The following PADI2 variants were observed in gnomAD, a reference collection of about 807,000 sequenced individuals.
PADI2 encodes the protein peptidyl arginine deiminase 2.
In PADI2, 70 loss-of-function variants were observed where a neutral mutation model predicts 81.1. The observed-to-expected ratio is 0.86, with a 90% CI of 0.71 to 1.05. The LOEUF (loss-of-function observed/expected upper bound fraction) is 1.05. Ranked by LOEUF, PADI2 falls within the 50% of genes least tolerant of loss-of-function variation. PADI2 has a pLI of 0.00. For missense variants in PADI2, 853 were observed against 889.9 expected (o/e 0.96, Z 0.53); for synonymous variants, 338 against 358.0 (o/e 0.94, Z 0.63).
rs1036567716 is a variant in PADI2 at position 17,068,692 on chromosome 1, C to T, written c.*352G>A. ...GGAAGAACTGGCAATCCCAGAATCT[C>T]CTTCCCTTCTCCCCTCATTCAGTGT... On this transcript the variant is annotated 3_prime_UTR_variant, in exon 16 of 16. Transcript: ENST00000375486. 5.5e-4 allele frequency: 137 copies of T among 249,478 alleles called. 1 individual carries two copies. Among genetic ancestry groups the T allele is most frequent in the African/African-American group, 3.0e-3 (132 of 44,536 alleles). The allele number at this position is 249,478 out of a possible 1,614,324, so 15.5% of individuals were successfully genotyped here.
intron 2 of PADI2, 100 bp downstream of exon 2, chr1:17,104,778 C>T (rs1187245315): frequency 9.6e-7 from 1 of 1,042,006 alleles, no homozygotes. Flanking sequence ...GAAAATGACA[C>T]ATGGCCCACG....
At chr1:17,076,783 C>T (rs2647201) in intron 11 of PADI2, among the ~76,000 whole-genome samples, 148,182 of 152,072 alleles carry the variant, frequency 0.97, 72,202 homozygotes, top group East Asian at 1. Flanking sequence ...TTTACCATGT[C>T]GGCCAGGATG....
intron 11 of PADI2, among the ~76,000 whole-genome samples, chr1:17,078,390 C>T (rs1002920639): frequency 1.3e-5 from 2 of 152,042 alleles, no homozygotes; most frequent in Non-Finnish European, 1.5e-5. Context: ...GGATTACAGG[C>T]GTGAGCCACC....
chr1:17,090,596 T>A (rs1305689120), intron 6 of PADI2, among the ~76,000 whole-genome samples: 4 of 151,368 alleles, frequency 2.6e-5, no homozygotes, highest in African/African-American at 9.7e-5. Flanking sequence ...TGTGTGTGTG[T>A]GTGTGTGTGT....
At chr1:17,099,014 C>G (rs1221335415) in intron 3 of PADI2, among the ~76,000 whole-genome samples, 1 of 152,190 alleles carries the variant, frequency 6.6e-6, no homozygotes, top group Non-Finnish European at 1.5e-5. Context: ...CACCTCAGTT[C>G]CCCAGAATAG....
rs1930793386 is a variant in PADI2 at position 17,093,673 on chromosome 1, G to A, written c.423C>T (p.Thr141=). 1 of 1,607,004 alleles carries A rather than the reference G, an allele frequency of 6.2e-7. No homozygotes were observed. Reference sequence around the variant, plus strand: ...TGGCCCCCTGGCCCTCGGGGCCCCAGGTCCAGGATGCCTACAGTGGCAGGA... The same window carrying A: ...TGGCCCCCTGGCCCTCGGGGCCCCAAGTCCAGGATGCCTACAGTGGCAGGA... ...EKNNPKKASW[T]WGPEGQGAIL... is the part of the protein sequence containing the mutation. The change falls in exon 5 of 16, where the codon ACC becomes ACT. Residue 141 remains threonine, a synonymous_variant. Coordinates refer to ENST00000375486, the MANE Select transcript of PADI2 (RefSeq NM_007365.3).
chr1:17,100,046 G>GC (rs559300697), intron 3 of PADI2, among the ~76,000 whole-genome samples: 1,910 of 26,766 alleles, frequency 0.071, 31 homozygotes, highest in Non-Finnish European at 0.11. Flanking sequence ...TATTGGGGTT[G>GC]GGGGGGGGCT....
intron 3 of PADI2, among the ~76,000 whole-genome samples, chr1:17,096,342 G>C (rs1210353641): frequency 6.6e-6 from 1 of 152,236 alleles, no homozygotes; most frequent in Non-Finnish European, 1.5e-5. Flanking sequence ...AGCAGAACTG[G>C]GGTACACAGT....
At chr1:17,075,483 T>C (rs1306992237) in intron 12 of PADI2, 196 bp downstream of exon 12, 11 of 512,512 alleles carry the variant, frequency 2.1e-5, no homozygotes, top group Non-Finnish European at 3.8e-5. Flanking sequence ...TGATTATGTG[T>C]TGCAATGCTA....
At chr1:17,091,207 C>T (rs1302929722) in intron 6 of PADI2, among the ~76,000 whole-genome samples, 1 of 148,078 alleles carries the variant, frequency 6.8e-6, no homozygotes, top group Admixed American at 6.8e-5. Context: ...AGGGTCCCTA[C>T]TCACCTCATG....
chr1:17,110,433 G>T (rs1931534925), intron 1 of PADI2, among the ~76,000 whole-genome samples: 1 of 152,100 alleles, frequency 6.6e-6, no homozygotes, highest in Non-Finnish European at 1.5e-5. Flanking sequence ...GAATGCACCT[G>T]CCCTTCTTGG....
intron 10 of PADI2, among the ~76,000 whole-genome samples, chr1:17,082,319 C>G (rs1268383076): frequency 6.6e-6 from 1 of 152,152 alleles, no homozygotes; most frequent in Non-Finnish European, 1.5e-5. Context: ...TCCCTTAGTT[C>G]CCATTTCCCA....
intron 4 of PADI2, among the ~76,000 whole-genome samples, chr1:17,094,813 A>G (rs1000920030): frequency 6.6e-6 from 1 of 152,192 alleles, no homozygotes; most frequent in African/African-American, 2.4e-5. Context: ...GGGAGGTTGG[A>G]AGCTGTCGCC....
chr1:17,102,696 A>G (rs1931184217), intron 3 of PADI2, among the ~76,000 whole-genome samples: 1 of 145,256 alleles, frequency 6.9e-6, no homozygotes, highest in Non-Finnish European at 1.5e-5. Flanking sequence ...GGGGAAACAC[A>G]CTTCACCTTT....
chr1:17,068,894 AG>A lies in PADI2; in HGVS notation c.*149del. 1.5e-6 allele frequency: 1 copy of A among 647,572 alleles called. No individual in the cohort carries two copies. The highest frequency in any genetic ancestry group is 2.8e-6 in the Non-Finnish European group (1 of 361,098). The allele number at this position is 647,572 out of a possible 1,614,324, so 40.1% of individuals were successfully genotyped here. On this transcript the variant is annotated 3_prime_UTR_variant, in exon 16 of 16. Coordinates refer to ENST00000375486, the MANE Select transcript of PADI2 (RefSeq NM_007365.3). ...GAGGACACTGAGGCCCCTCTCAGGG[AG>A]GGCAAGGCACAGATACCCCAAATTC...
intron 4 of PADI2, among the ~76,000 whole-genome samples, chr1:17,095,075 A>G (rs1455117633): frequency 6.6e-6 from 1 of 152,186 alleles, no homozygotes; most frequent in Non-Finnish European, 1.5e-5. Context: ...CTCTATGTAT[A>G]CTTTACTCTA....
At chr1:17,113,832 C>T (rs753423036) in intron 1 of PADI2, among the ~76,000 whole-genome samples, 3 of 152,188 alleles carry the variant, frequency 2.0e-5, no homozygotes, top group Non-Finnish European at 2.9e-5. Context: ...GCTGCCTCCT[C>T]CAAAGTGCAG....
At chr1:17,087,067 A>C (rs189037990) in intron 6 of PADI2, among the ~76,000 whole-genome samples, 195 of 152,282 alleles carry the variant, frequency 1.3e-3, no homozygotes, top group African/African-American at 4.6e-3. Flanking sequence ...AGAAAGGAGG[A>C]GTGGCTTGTC....
At chr1:17,099,269 C>T (rs1931055336) in intron 3 of PADI2, among the ~76,000 whole-genome samples, 1 of 152,146 alleles carries the variant, frequency 6.6e-6, no homozygotes, top group Non-Finnish European at 1.5e-5. Flanking sequence ...GGCAAGTATC[C>T]CAGCCTCTGG....
Sources: gnomAD v4.1 joint callset for allele counts (sites outside exome capture counted in the v4.1 genomes callset) on GRCh38, gnomAD v4.1.1 for gene constraint, MANE v1.5 for transcripts, NCBI Gene and HGNC (gene_info 2026-07-23, HGNC 2026-07-21) for gene names.